The following ADAM18 variants were observed in gnomAD, a reference collection of about 807,000 sequenced individuals.
ADAM18 encodes the protein disintegrin and metalloproteinase domain-containing protein 18.
A neutral mutation model predicts 94.4 loss-of-function variants in ADAM18; 117 were observed. That is an observed-to-expected ratio of 1.24 (90% CI 1.07 to 1.45). The LOEUF (loss-of-function observed/expected upper bound fraction) is 1.45, where lower values mean the gene tolerates loss of function less well. ADAM18 is among the 40% of genes most tolerant of loss of function. ADAM18 has a pLI of 0.00. For synonymous variants in ADAM18, 327 were observed against 291.6 expected (o/e 1.12, Z -1.24); for missense variants, 936 against 880.0 (o/e 1.06, Z -0.81).
At chr8:39,712,060 G>A (rs1822423112) in intron 18 of ADAM18, among the ~76,000 whole-genome samples, 1 of 108,038 alleles carries the variant, frequency 9.3e-6, no homozygotes. Flanking sequence ...AACAGTGAAA[G>A]ATAAAAGATA....
chr8:39,607,661 A>G (rs571612498), intron 3 of ADAM18, among the ~76,000 whole-genome samples: 7 of 151,976 alleles, frequency 4.6e-5, no homozygotes, highest in Admixed American at 3.9e-4. Flanking sequence ...AGAATACCAC[A>G]GACTCCTGCT....
At chr8:39,611,194 T>C in intron 6 of ADAM18, 1 of 688,216 alleles carries the variant, frequency 1.5e-6, no homozygotes, top group Non-Finnish European at 1.8e-6. Context: ...GTGGCCTCTG[T>C]TTTTTCTGAT....
At chr8:39,695,691 C>G (rs1394947687) in intron 17 of ADAM18, among the ~76,000 whole-genome samples, 1 of 151,084 alleles carries the variant, frequency 6.6e-6, no homozygotes, top group Non-Finnish European at 1.5e-5. Context: ...AATATTTGTC[C>G]TTTTGTGACT....
intron 17 of ADAM18, among the ~76,000 whole-genome samples, chr8:39,697,540 T>C (rs1298279095): frequency 6.6e-6 from 1 of 151,784 alleles, no homozygotes; most frequent in Non-Finnish European, 1.5e-5. Flanking sequence ...TTCTATATAT[T>C]TTAAACATCA....
At chr8:39,689,459 C>T (rs1243334760) in intron 16 of ADAM18, among the ~76,000 whole-genome samples, 2 of 152,100 alleles carry the variant, frequency 1.3e-5, no homozygotes, top group Non-Finnish European at 2.9e-5. Flanking sequence ...ATATCCTTTG[C>T]CCATTGCTTG....
At chr8:39,715,655 T>C (rs1263834609) in intron 18 of ADAM18, among the ~76,000 whole-genome samples, 2 of 151,820 alleles carry the variant, frequency 1.3e-5, no homozygotes, top group African/African-American at 4.8e-5. Context: ...AATAGAGAAA[T>C]ATTGTAAATA....
chr8:39,587,563 C>T (rs527239664), intron 2 of ADAM18, among the ~76,000 whole-genome samples: 31 of 152,186 alleles, frequency 2.0e-4, no homozygotes, highest in Non-Finnish European at 2.8e-4. Flanking sequence ...TTGTTCTTCA[C>T]CCTCCTGAGT....
At chr8:39,703,194 A>T (rs1289166611) in intron 17 of ADAM18, among the ~76,000 whole-genome samples, 1 of 152,104 alleles carries the variant, frequency 6.6e-6, no homozygotes, top group African/African-American at 2.4e-5. Flanking sequence ...GAGACCTTTC[A>T]CCTGCCTAGT....
chr8:39,712,845 G>A (rs1168940823), intron 18 of ADAM18, among the ~76,000 whole-genome samples: 2 of 152,132 alleles, frequency 1.3e-5, no homozygotes, highest in Non-Finnish European at 2.9e-5. Context: ...AATCAGTATC[G>A]TGAAAATGGC....
chr8:39,715,231 G>A (rs1278608456), intron 18 of ADAM18, among the ~76,000 whole-genome samples: 1 of 151,720 alleles, frequency 6.6e-6, no homozygotes, highest in Non-Finnish European at 1.5e-5. Context: ...AATAACACAT[G>A]GGTTAAAGTA....
intron 2 of ADAM18, among the ~76,000 whole-genome samples, chr8:39,592,433 C>A (rs1818596285): frequency 6.6e-6 from 1 of 152,022 alleles, no homozygotes; most frequent in Non-Finnish European, 1.5e-5. Flanking sequence ...AGTCATGGAA[C>A]CAATCTAAAT....
intron 18 of ADAM18, among the ~76,000 whole-genome samples, chr8:39,709,140 T>C (rs1057440866): frequency 4.6e-5 from 7 of 152,052 alleles, no homozygotes; most frequent in East Asian, 1.9e-4. Context: ...TGTGAGCAAA[T>C]TGAAGTATGG....
At chr8:39,691,766 A>C (rs548558539) in intron 16 of ADAM18, among the ~76,000 whole-genome samples, 1 of 150,390 alleles carries the variant, frequency 6.6e-6, no homozygotes, top group East Asian at 1.9e-4. Flanking sequence ...TCATACATGG[A>C]AGCTAAAAAT....
At chr8:39,620,561 T>C (rs1377079540) in intron 6 of ADAM18, among the ~76,000 whole-genome samples, 5 of 147,364 alleles carry the variant, frequency 3.4e-5, no homozygotes, top group Admixed American at 1.4e-4. Flanking sequence ...AAAAATATAA[T>C]AATTTATATA....
chr8:39,704,345 A>G (rs891292226), intron 17 of ADAM18, among the ~76,000 whole-genome samples: 3 of 152,120 alleles, frequency 2.0e-5, no homozygotes, highest in African/African-American at 7.2e-5. Context: ...AGCACATCAA[A>G]AAAGATTATC....
intron 18 of ADAM18, among the ~76,000 whole-genome samples, chr8:39,715,480 A>C: frequency 6.6e-6 from 1 of 151,724 alleles, no homozygotes; most frequent in Middle Eastern, 3.2e-3. Flanking sequence ...AATAGAAAAA[A>C]AAAAGCAAAT....
intron 12 of ADAM18, among the ~76,000 whole-genome samples, chr8:39,651,218 T>G (rs1820525019): frequency 6.6e-6 from 1 of 152,214 alleles, no homozygotes; most frequent in African/African-American, 2.4e-5. Context: ...GTAGATGGAA[T>G]ATACAATCGG....
At chr8:39,659,883 A>G (rs1820787935) in intron 12 of ADAM18, among the ~76,000 whole-genome samples, 1 of 152,112 alleles carries the variant, frequency 6.6e-6, no homozygotes, top group South Asian at 2.1e-4. Flanking sequence ...CCCACAACAT[A>G]ATAAAGCTGG....
chr8:39,725,137 A>C (rs914008809), intron 19 of ADAM18, among the ~76,000 whole-genome samples: 1 of 151,870 alleles, frequency 6.6e-6, no homozygotes, highest in African/African-American at 2.4e-5. Flanking sequence ...ATCCTTGCTG[A>C]TTTTTTGTCT....
Sources: allele counts gnomAD v4.1 joint callset (sites outside exome capture counted in the v4.1 genomes callset), GRCh38; gene constraint gnomAD v4.1.1; transcripts MANE v1.5; gene names NCBI Gene and HGNC (gene_info 2026-07-23, HGNC 2026-07-21).